The following SPMAP2L variants were observed in gnomAD, a reference collection of about 807,000 sequenced individuals.
SPMAP2L encodes the protein sperm microtubule associated protein 2-like.
At chr4:56,596,355 G>A in the SPMAP2L span, 18 of 675,038 alleles carry the variant, frequency 2.7e-5, no homozygotes, top group Non-Finnish European at 3.5e-5. Context: ...TTTCAGCTGT[G>A]ATTATAGGTT....
chr4:56,625,188 A>T, the SPMAP2L span, among the ~76,000 whole-genome samples: 1 of 152,022 alleles, frequency 6.6e-6, no homozygotes, highest in Admixed American at 6.6e-5. Context: ...GGGGCCTGCT[A>T]CCCCTTTGGT....
the SPMAP2L span, among the ~76,000 whole-genome samples, chr4:56,537,349 C>A: frequency 2.6e-5 from 4 of 152,260 alleles, no homozygotes; most frequent in East Asian, 7.7e-4. Flanking sequence ...TTTTTATATT[C>A]TCTCTCTTCT....
At chr4:56,556,509 G>A in the SPMAP2L span, among the ~76,000 whole-genome samples, 21,179 of 152,160 alleles carry the variant, frequency 0.14, 1,563 homozygotes, top group East Asian at 0.2. Context: ...ATATGGATTT[G>A]GCAGTCAGGA....
chr4:56,582,531 G>A, the SPMAP2L span, among the ~76,000 whole-genome samples: 1 of 151,954 alleles, frequency 6.6e-6, no homozygotes, highest in African/African-American at 2.4e-5. Context: ...GAATGGCAAG[G>A]ATAATGATAA....
chr4:56,542,699 G>A, the SPMAP2L span, among the ~76,000 whole-genome samples: 1 of 152,228 alleles, frequency 6.6e-6, no homozygotes, highest in Middle Eastern at 3.4e-3. Flanking sequence ...GATAGGTGGT[G>A]CTGAACGTGC....
chr4:56,589,674 GT>G, the SPMAP2L span, among the ~76,000 whole-genome samples: 1 of 148,846 alleles, frequency 6.7e-6, no homozygotes, highest in East Asian at 2.0e-4. Context: ...TATTCCTAAG[GT>G]TTTTTTTGTT....
the SPMAP2L span, among the ~76,000 whole-genome samples, chr4:56,556,366 GT>G: frequency 2.6e-5 from 4 of 152,144 alleles, no homozygotes; most frequent in South Asian, 8.3e-4. Flanking sequence ...ATGATTTCTA[GT>G]TTTCTGTCTT....
chr4:56,593,797 C>T, the SPMAP2L span: 2 of 1,597,112 alleles, frequency 1.3e-6, no homozygotes, highest in Non-Finnish European at 1.7e-6. Context: ...CTACCAGCAA[C>T]ATCTGTACAG....
the SPMAP2L span, among the ~76,000 whole-genome samples, chr4:56,609,266 C>T: frequency 6.6e-6 from 1 of 152,094 alleles, no homozygotes; most frequent in African/African-American, 2.4e-5. Flanking sequence ...TGGTCTCGAA[C>T]TCCTGACCTT....
At chr4:56,546,416 A>C in the SPMAP2L span, among the ~76,000 whole-genome samples, 1 of 152,202 alleles carries the variant, frequency 6.6e-6, no homozygotes, top group South Asian at 2.1e-4. Flanking sequence ...AAAAATGCTG[A>C]TGCCTGTGTC....
chr4:56,557,722 G>A, the SPMAP2L span: 2 of 152,078 alleles, frequency 1.3e-5, no homozygotes, highest in Admixed American at 1.3e-4. Context: ...TGTCAGACTT[G>A]GTTCTATTTC....
At chr4:56,623,144 C>A in the SPMAP2L span, among the ~76,000 whole-genome samples, 5,152 of 152,218 alleles carry the variant, frequency 0.034, 246 homozygotes, top group African/African-American at 0.11. Flanking sequence ...ATTCTTTCTA[C>A]TTAGACATAG....
the SPMAP2L span, among the ~76,000 whole-genome samples, chr4:56,533,803 T>C: frequency 1.3e-5 from 2 of 150,740 alleles, no homozygotes; most frequent in African/African-American, 2.5e-5. Context: ...AAAAAAATTA[T>C]TAACCACGCA....
the SPMAP2L span, among the ~76,000 whole-genome samples, chr4:56,599,635 T>C: frequency 6.6e-6 from 1 of 152,208 alleles, no homozygotes; most frequent in African/African-American, 2.4e-5. Flanking sequence ...CTCCTTCTTA[T>C]GAGTGAGAAC....
the SPMAP2L span, chr4:56,593,814 C>A: frequency 1.2e-6 from 2 of 1,607,888 alleles, no homozygotes; most frequent in Non-Finnish European, 1.7e-6. Context: ...ACAGCTCAGG[C>A]CCTCTTGGCG....
chr4:56,531,096 C>T, the SPMAP2L span: 1 of 1,535,502 alleles, frequency 6.5e-7, no homozygotes, highest in South Asian at 1.2e-5. Flanking sequence ...AGTTGCTTCC[C>T]AGCGCCGCAG....
At chr4:56,574,354 G>A in the SPMAP2L span, among the ~76,000 whole-genome samples, 1 of 152,146 alleles carries the variant, frequency 6.6e-6, no homozygotes, top group Admixed American at 6.5e-5. Context: ...AGGAGTTTGA[G>A]GCTGCCATGA....
the SPMAP2L span, among the ~76,000 whole-genome samples, chr4:56,611,333 TGAGGAATG>T: frequency 6.6e-6 from 1 of 152,062 alleles, no homozygotes; most frequent in African/African-American, 2.4e-5. Flanking sequence ...AAGAAGTAAC[TGAGGAATG>T]GAGTGTATGT....
the SPMAP2L span, among the ~76,000 whole-genome samples, chr4:56,573,991 G>C: frequency 2.6e-5 from 4 of 152,366 alleles, no homozygotes; most frequent in Non-Finnish European, 5.9e-5. Flanking sequence ...TAAAGGAACA[G>C]AGGTCCTTAT....
Sources: allele counts gnomAD v4.1 joint callset (sites outside exome capture counted in the v4.1 genomes callset), GRCh38; gene constraint gnomAD v4.1.1; transcripts MANE v1.5; gene names NCBI Gene and HGNC (gene_info 2026-07-23, HGNC 2026-07-21).